The following VPS13C variants were observed in gnomAD, a reference collection of about 807,000 sequenced individuals.
VPS13C encodes intermembrane lipid transfer protein VPS13C.
Under a neutral mutation model 456.8 loss-of-function variants are expected in VPS13C, and 358 were observed. That is an observed-to-expected ratio of 0.78 (90% CI 0.72 to 0.86). The LOEUF is 0.86. VPS13C is among the 40% of genes least tolerant of loss of function. VPS13C has a pLI of 0.00. For synonymous variants in VPS13C, 1,578 were observed against 1,486.7 expected, an observed-to-expected ratio of 1.06 and a Z score of -1.41; for missense variants, 4,818 against 4,385.4, an observed-to-expected ratio of 1.10 and a Z score of -2.79.
chr15:62,050,654 T>C (rs894580533), intron 1 of VPS13C, among the ~76,000 whole-genome samples: 1 of 151,936 alleles, frequency 6.6e-6, no homozygotes, highest in African/African-American at 2.4e-5. Flanking sequence ...ACAAAAAAAT[T>C]AGCCAGGCAT....
intron 39 of VPS13C, among the ~76,000 whole-genome samples, chr15:61,951,278 C>G (rs1425039354): frequency 6.6e-6 from 1 of 151,994 alleles, no homozygotes; most frequent in East Asian, 1.9e-4. Flanking sequence ...CTGTATTACT[C>G]TCATCTAAAC....
At chr15:61,945,930 C>T (rs2044589234) in intron 44 of VPS13C, 48 bp from the exon 45 acceptor site, 1 of 1,454,916 alleles carries the variant, frequency 6.9e-7, no homozygotes, top group Admixed American at 2.4e-5. Flanking sequence ...AGCTGTATAG[C>T]CCTTATCAAT....
At chr15:61,915,228 T>C (rs1368473535) in intron 61 of VPS13C, among the ~76,000 whole-genome samples, 1 of 152,192 alleles carries the variant, frequency 6.6e-6, no homozygotes, top group Non-Finnish European at 1.5e-5. Flanking sequence ...AGGATGAGGC[T>C]TAGGCATTAG....
chr15:61,960,783 A>C (rs1053474057), intron 35 of VPS13C, among the ~76,000 whole-genome samples: 1 of 152,164 alleles, frequency 6.6e-6, no homozygotes, highest in African/African-American at 2.4e-5. Context: ...TGATTAAAAA[A>C]CTGTTCTGGT....
At position 61,961,394 on chromosome 15, in the gene VPS13C, AACACACACACACACACACAC is replaced by A. The variant is rs66786972; in HGVS notation, c.3908+175_3908+194del. ...GTGACAGACCAAGACTCCAACTCAAAACACACACACACACACACACACACACACACACACACACACACACA... is the reference window on the plus strand; with the variant it reads ...GTGACAGACCAAGACTCCAACTCAAAACACACACACACACACACACACACA... On this transcript the variant is annotated intron_variant, in intron 35 of 84. Coordinates refer to ENST00000644861, the MANE Select transcript of VPS13C (RefSeq NM_020821.3). 0.074 allele frequency among the ~76,000 whole-genome samples: 9,877 copies of A among 132,690 alleles called. 577 individuals are homozygous for A. The highest frequency in any genetic ancestry group is 0.22 in the East Asian group (995 of 4,430). The allele number at this position is 132,690 out of a possible 152,430, so 87.0% of individuals were successfully genotyped here.
chr15:62,037,372 T>A (rs1357802663), intron 3 of VPS13C, among the ~76,000 whole-genome samples: 1 of 86,654 alleles, frequency 1.2e-5, no homozygotes. Flanking sequence ...ATATAATATA[T>A]TATATATAAA....
chr15:62,008,145 T>C (rs2140494912), intron 14 of VPS13C, among the ~76,000 whole-genome samples: 1 of 152,156 alleles, frequency 6.6e-6, no homozygotes, highest in Admixed American at 6.5e-5. Flanking sequence ...GGCAGGGAGT[T>C]GCTTGAACCC....
intron 14 of VPS13C, among the ~76,000 whole-genome samples, chr15:62,008,412 A>C (rs1255286408): frequency 6.6e-6 from 1 of 152,114 alleles, no homozygotes; most frequent in Non-Finnish European, 1.5e-5. Context: ...AAAAAAAAGA[A>C]TTTGGGAACC....
rs565363536 is a variant in VPS13C at position 61,881,454 on chromosome 15, T to C, written c.9776+109A>G. ...CCAAAAGTGAATTAATAGGTTCAGC[T>C]GGAAAATACTTTTTACATGAAAGTC... On this transcript the variant is annotated intron_variant, in intron 71 of 84. Coordinates refer to ENST00000644861, the MANE Select transcript of VPS13C (RefSeq NM_020821.3). The C allele has an allele frequency of 7.8e-5, 89 of 1,141,430 alleles. No individual in the cohort carries two copies. In the African/African-American group the frequency reaches 1.1e-3, roughly 14 times the overall value. The allele number at this position is 1,141,430 out of a possible 1,614,324, so 70.7% of individuals were successfully genotyped here. A position where few individuals can be genotyped will look rare whatever the true frequency, so the allele number is the denominator to read the frequency against.
chr15:62,010,652 C>G (rs1228423299), intron 12 of VPS13C, 53 bp from the exon 13 acceptor site: 15 of 1,470,874 alleles, frequency 1.0e-5, no homozygotes, highest in Non-Finnish European at 1.4e-5. Flanking sequence ...TACATATAAA[C>G]AAGTGTAAAT....
intron 48 of VPS13C, among the ~76,000 whole-genome samples, chr15:61,934,788 T>A (rs992625925): frequency 6.6e-6 from 1 of 152,182 alleles, no homozygotes; most frequent in Non-Finnish European, 1.5e-5. Context: ...TCTCGCTGTG[T>A]TGCCCAGGCT....
intron 1 of VPS13C, among the ~76,000 whole-genome samples, chr15:62,049,337 C>A (rs2048540333): frequency 6.6e-6 from 1 of 152,152 alleles, no homozygotes; most frequent in African/African-American, 2.4e-5. Context: ...GCCAGTTTTC[C>A]CAGCACCATT....
chr15:62,008,752 T>C lies in VPS13C; in HGVS notation c.1021A>G (p.Met341Val), dbSNP rs780420762. The C allele has an allele frequency of 3.2e-6, 5 of 1,575,156 alleles. No individual in the cohort carries two copies. The Admixed American group carries it at 8.8e-5, about 28-fold the overall frequency. ...IELTKPQYLS[M>V]IDLLESVDYM... ...TCCACTGACTCCAAAAGGTCAATCA[T>C]ACTTAAGTACTGTTAAAACAAAAAT... The change falls in exon 14 of 85, where the codon ATG (methionine) becomes GTG (valine). Residue 341 changes from methionine to valine, a missense_variant. Around this residue, in one of 3 missense-constraint regions of VPS13C, gnomAD observed 4,552 missense variants for 4,130.6 expected, o/e 1.10. Transcript: ENST00000644861.
At chr15:61,874,759 GATT>G in intron 77 of VPS13C, 114 bp downstream of exon 77, 5 of 877,934 alleles carry the variant, frequency 5.7e-6, no homozygotes, top group Non-Finnish European at 6.5e-6. Context: ...TTTTAAAAGG[GATT>G]ATTAAGAAAG....
intron 79 of VPS13C, among the ~76,000 whole-genome samples, chr15:61,870,599 C>T (rs1894948727): frequency 6.6e-6 from 1 of 152,140 alleles, no homozygotes; most frequent in South Asian, 2.1e-4. Context: ...CATTTGTGCA[C>T]AGTTTTTGTT....
intron 41 of VPS13C, among the ~76,000 whole-genome samples, chr15:61,949,837 G>C (rs774250839): frequency 3.3e-5 from 5 of 152,088 alleles, no homozygotes; most frequent in Non-Finnish European, 5.9e-5. Flanking sequence ...AAAAGAACTG[G>C]ATGAGTTTTA....
At chr15:61,967,497 T>G in intron 28 of VPS13C, 50 bp from the exon 29 acceptor site, 1 of 1,398,520 alleles carries the variant, frequency 7.2e-7, no homozygotes, top group South Asian at 1.3e-5. Flanking sequence ...ATTGCTCTTT[T>G]GTAATTTGAA....
chr15:61,926,313 T>A (rs2043847470), intron 52 of VPS13C, among the ~76,000 whole-genome samples: 1 of 152,188 alleles, frequency 6.6e-6, no homozygotes, highest in South Asian at 2.1e-4. Flanking sequence ...GGCAGAAGGA[T>A]TACTTGAGCC....
rs151147947 is a variant in VPS13C at position 62,034,998 on chromosome 15, G to A, written c.242C>T (p.Ala81Val). 1.5e-4 allele frequency: 238 copies of A among 1,601,786 alleles called. No individual in the cohort carries two copies. Among genetic ancestry groups the A allele is most frequent in the Non-Finnish European group, 1.8e-4 (216 of 1,173,072 alleles). ...WKNLYGEAVV[A>V]TLEGLYLLVV... ...AAGCAGGTATAATCCTTCCAGGGTCGCAACAACTGCTTCTCCATAAAGGTT... is the reference window on the plus strand; with the variant it reads ...AAGCAGGTATAATCCTTCCAGGGTCACAACAACTGCTTCTCCATAAAGGTT... The change falls in exon 4 of 85, where the codon GCG becomes GTG. Residue 81 changes from alanine to valine, a missense_variant. Physicochemically the swap from Ala to Val is moderately conservative, Grantham distance 64 (BLOSUM62 0). This residue lies in a region of VPS13C where 4,552 missense variants were observed against 4,130.6 expected (regional missense o/e 1.10). Transcript: ENST00000644861.
Sources: gnomAD v4.1 joint callset for allele counts (sites outside exome capture counted in the v4.1 genomes callset) on GRCh38, gnomAD v4.1.1 for gene constraint, gnomAD v4.1.1 regional missense constraint, MANE v1.5 for transcripts, NCBI Gene and HGNC (gene_info 2026-07-23, HGNC 2026-07-21) for gene names.